The following FBXL4 variants were observed in gnomAD, a reference collection of about 807,000 sequenced individuals.
The protein encoded by FBXL4 is F-box/LRR-repeat protein 4.
FBXL4 carries 40 observed loss-of-function variants against 58.9 expected under a neutral mutation model. That is an observed-to-expected ratio of 0.68 (90% CI 0.53 to 0.88). The LOEUF (loss-of-function observed/expected upper bound fraction) is 0.88. Ranked by LOEUF, FBXL4 falls within the 40% of genes least tolerant of loss-of-function variation. The pLI, the probability that FBXL4 is intolerant of heterozygous loss-of-function variation, is 0.00. For missense variants in FBXL4, 676 were observed against 734.4 expected (o/e 0.92, Z 0.92); for synonymous variants, 263 against 265.5 (o/e 0.99, Z 0.09).
chr6:98,899,553 C>G, intron 6 of FBXL4, 72 bp from the exon 7 acceptor site: 2 of 1,498,206 alleles, frequency 1.3e-6, no homozygotes, highest in Non-Finnish European at 1.8e-6. Context: ...GGAATTTTAG[C>G]AACTCTAAGT....
chr6:98,939,482 C>T (rs965865977), intron 1 of FBXL4, among the ~76,000 whole-genome samples: 1 of 152,190 alleles, frequency 6.6e-6, no homozygotes, highest in African/African-American at 2.4e-5. Flanking sequence ...ATAAGAACTG[C>T]ATTTTCAATA....
At chr6:98,914,019 C>A (rs188388024) in intron 5 of FBXL4, among the ~76,000 whole-genome samples, 133 of 152,300 alleles carry the variant, frequency 8.7e-4, no homozygotes, top group Middle Eastern at 3.4e-3. Context: ...AAACTACCAT[C>A]AGAGAATACT....
intron 6 of FBXL4, among the ~76,000 whole-genome samples, chr6:98,901,388 G>A (rs949639021): frequency 3.9e-5 from 6 of 152,138 alleles, no homozygotes; most frequent in Non-Finnish European, 2.9e-5. Context: ...AAATGATGGC[G>A]AGATGAGTAG....
intron 5 of FBXL4, among the ~76,000 whole-genome samples, chr6:98,913,212 C>T (rs1235499917): frequency 6.6e-6 from 1 of 152,136 alleles, no homozygotes; most frequent in Non-Finnish European, 1.5e-5. Context: ...CTTAGACTCC[C>T]ACACAATAAT....
chr6:98,918,094 CTGATCA>C (rs1195386999), intron 4 of FBXL4, among the ~76,000 whole-genome samples: 1 of 152,178 alleles, frequency 6.6e-6, no homozygotes, highest in East Asian at 1.9e-4. Flanking sequence ...GGAAACTAAA[CTGATCA>C]TTTTGCTTCA....
Position 98,927,008 on chromosome 6 carries a change from C to T in FBXL4, c.-20G>A, listed in dbSNP as rs1206110682. 8 of 1,606,000 alleles carry T rather than the reference C, an allele frequency of 5.0e-6. No individual in the cohort carries two copies. In the African/African-American group the frequency reaches 6.7e-5, roughly 13 times the overall value. On this transcript the variant is annotated 5_prime_UTR_variant, in exon 4 of 10. Transcript: ENST00000369244. ...TGACATCTAGATGTGAATTATGAAGCTTCAAAAGGTCAGGTGTCCTCAGTA... is the reference window on the plus strand; with the variant it reads ...TGACATCTAGATGTGAATTATGAAGTTTCAAAAGGTCAGGTGTCCTCAGTA...
rs1350566881 is a variant in FBXL4, at chr6:98,917,618, A to G, written c.614T>C (p.Ile205Thr). ...AAGAGAACTATTTACTTCCAGTCGT[A>G]TAAGATTTGTGGGGAAATTTATCTG... Reference protein sequence around the residue: ...IKQINFPTNLIRLEVNSSLLE... With the variant: ...IKQINFPTNLTRLEVNSSLLE... The change falls in exon 5 of 10, where the codon ATA becomes ACA. Residue 205 changes from isoleucine to threonine, a missense_variant. Transcript: ENST00000369244. The G allele has an allele frequency of 1.2e-6, 2 of 1,614,026 alleles. No homozygotes were observed. The highest frequency in any genetic ancestry group is 1.7e-6 in the Non-Finnish European group (2 of 1,179,910).
chr6:98,886,359 T>C (rs1470172431), intron 7 of FBXL4, among the ~76,000 whole-genome samples: 1 of 152,144 alleles, frequency 6.6e-6, no homozygotes, highest in East Asian at 1.9e-4. Flanking sequence ...GTGTCTGACA[T>C]ACCTTTTAGA....
rs1772032668 is a variant in FBXL4, at chr6:98,910,997, C to T, written c.859-5327G>A. On this transcript the variant is annotated intron_variant, in intron 5 of 9. Coordinates refer to ENST00000369244, the MANE Select transcript of FBXL4 (RefSeq NM_001278716.2). ...CCCAAATACTGCGCTTTTCCGAAGG[C>T]CTTAGGAAACGGCGCACCAGGAGAT... 4.6e-5 allele frequency among the ~76,000 whole-genome samples: 7 copies of T among 152,306 alleles called. No homozygotes were observed. In the South Asian group the frequency reaches 1.4e-3, roughly 32 times the overall value.
intron 5 of FBXL4, among the ~76,000 whole-genome samples, chr6:98,914,518 G>T (rs984945601): frequency 1.3e-5 from 2 of 151,600 alleles, no homozygotes; most frequent in African/African-American, 2.4e-5. Flanking sequence ...TTCAATATAC[G>T]CAAATCAATA....
rs541449299 is a variant in FBXL4, at chr6:98,869,740, T to G, written c.*4538A>C. Reference sequence around the variant, plus strand: ...ATCATTACACTTCACATATGAGTTTTAGTCTTCAGTTAATTCCTGGGAAAT... The same window carrying G: ...ATCATTACACTTCACATATGAGTTTGAGTCTTCAGTTAATTCCTGGGAAAT... On this transcript the variant is annotated 3_prime_UTR_variant, in exon 10 of 10. Coordinates refer to ENST00000369244, the MANE Select transcript of FBXL4 (RefSeq NM_001278716.2). 2 of 152,342 alleles carry G rather than the reference T, an allele frequency of 1.3e-5. No individual in the cohort carries two copies. Among genetic ancestry groups the G allele is most frequent in the Non-Finnish European group, 2.9e-5 (2 of 68,022 alleles). 9.4% of individuals were successfully genotyped at this position (152,342 alleles called of 1,614,324 possible).
intron 7 of FBXL4, among the ~76,000 whole-genome samples, chr6:98,886,706 A>T (rs902078509): frequency 4.6e-5 from 7 of 152,162 alleles, no homozygotes; most frequent in Admixed American, 3.9e-4. Flanking sequence ...GGCACTGCGG[A>T]TACTGCAGGA....
In FBXL4 at chr6:98,880,574, G is replaced by A; in HGVS notation, c.1368C>T (p.Leu456=). ...ILNFCSELQH[L]SLGSCVMIED... Reference sequence around the variant, plus strand: ...TTACCATGACACAACTGCCTAAACTGAGGTGCTGAAGCTCTGAACAGAAGT... The same window carrying A: ...TTACCATGACACAACTGCCTAAACTAAGGTGCTGAAGCTCTGAACAGAAGT... Residue 456 remains leucine (L), a synonymous_variant, in exon 8 of 10, where the codon CTC becomes CTT. Coordinates refer to ENST00000369244, the MANE Select transcript of FBXL4 (RefSeq NM_001278716.2). 1.2e-6 allele frequency: 2 copies of A among 1,613,936 alleles called. No individual in the cohort carries two copies. Among genetic ancestry groups the A allele is most frequent in the Non-Finnish European group, 1.7e-6 (2 of 1,179,886 alleles).
intron 7 of FBXL4, among the ~76,000 whole-genome samples, chr6:98,893,431 G>C (rs1771300234): frequency 6.6e-6 from 1 of 152,076 alleles, no homozygotes; most frequent in Non-Finnish European, 1.5e-5. Context: ...GGTCTTCCTT[G>C]TGTGTGTGTC....
At chr6:98,896,336 C>T (rs1771409524) in intron 7 of FBXL4, among the ~76,000 whole-genome samples, 1 of 152,168 alleles carries the variant, frequency 6.6e-6, no homozygotes, top group South Asian at 2.1e-4. Flanking sequence ...GAGGTGTTTA[C>T]AGATTGCCAT....
intron 2 of FBXL4, among the ~76,000 whole-genome samples, chr6:98,933,361 TTCTA>T (rs1476036798): frequency 6.6e-6 from 1 of 152,124 alleles, no homozygotes; most frequent in Admixed American, 6.5e-5. Flanking sequence ...TACAAGAACA[TTCTA>T]TCTAACTTTG....
At chr6:98,917,972 G>C (rs1237575387) in intron 4 of FBXL4, among the ~76,000 whole-genome samples, 2 of 152,038 alleles carry the variant, frequency 1.3e-5, no homozygotes, top group Non-Finnish European at 2.9e-5. Flanking sequence ...TTAAAAACTG[G>C]AACATGTAGT....
chr6:98,927,184 T>G (rs1051772240), intron 3 of FBXL4, 124 bp from the exon 4 acceptor site: 25 of 515,302 alleles, frequency 4.9e-5, no homozygotes, highest in African/African-American at 4.4e-4. Flanking sequence ...AAAACAAGTT[T>G]TAAAATACAA....
intron 7 of FBXL4, among the ~76,000 whole-genome samples, chr6:98,886,224 T>C (rs531298298): frequency 6.6e-6 from 1 of 152,334 alleles, no homozygotes; most frequent in South Asian, 2.1e-4. Context: ...GAGTCACTAG[T>C]ATATAGTAGG....
Sources: allele counts gnomAD v4.1 joint callset (sites outside exome capture counted in the v4.1 genomes callset), GRCh38; gene constraint gnomAD v4.1.1; transcripts MANE v1.5; gene names NCBI Gene and HGNC (gene_info 2026-07-23, HGNC 2026-07-21).